Variants in CNTN4 observed in about 807,000 individuals in gnomAD.
The protein encoded by CNTN4 is contactin 4.
Under a neutral mutation model 122.5 loss-of-function variants are expected in CNTN4, and 77 were observed. The ratio of observed to expected loss-of-function variants is 0.63; its 90% CI spans 0.52 to 0.76. The LOEUF (loss-of-function observed/expected upper bound fraction) is 0.76. Ranked by LOEUF, CNTN4 falls within the 30% of genes least tolerant of loss-of-function variation. CNTN4 has a pLI of 0.00. For synonymous variants in CNTN4, 512 were observed against 447.0 expected (o/e 1.15, Z -1.83); for missense variants, 1,256 against 1,259.1 (o/e 1.00, Z 0.04).
intron 3 of CNTN4, among the ~76,000 whole-genome samples, chr3:2,346,291 C>T (rs1253632806): frequency 3.3e-5 from 5 of 152,010 alleles, no homozygotes; most frequent in Non-Finnish European, 5.9e-5. Context: ...CAAATAAAAC[C>T]TAAAATTCTT....
At chr3:2,119,295 G>T (rs2033567026) in intron 2 of CNTN4, among the ~76,000 whole-genome samples, 1 of 152,084 alleles carries the variant, frequency 6.6e-6, no homozygotes, top group South Asian at 2.1e-4. Flanking sequence ...CTTTCTTTCT[G>T]TCTCTCTCTC....
intron 3 of CNTN4, among the ~76,000 whole-genome samples, chr3:2,396,682 C>G (rs1001936921): frequency 2.7e-4 from 40 of 150,862 alleles, no homozygotes; most frequent in African/African-American, 9.7e-4. Flanking sequence ...TTAACCTCTC[C>G]TAGAACTCTT....
At chr3:2,100,100 G>C (rs975355692) in intron 1 of CNTN4, among the ~76,000 whole-genome samples, 8 of 152,094 alleles carry the variant, frequency 5.3e-5, no homozygotes, top group African/African-American at 1.9e-4. Context: ...TGTGTAGGGC[G>C]AGTCAGTGTG....
chr3:2,670,693 G>A (rs1444191348), intron 4 of CNTN4, among the ~76,000 whole-genome samples: 2 of 152,086 alleles, frequency 1.3e-5, no homozygotes, highest in African/African-American at 4.8e-5. Flanking sequence ...TAGCCTCGAT[G>A]GTCTTTACAA....
chr3:2,335,591 T>G (rs1243408950), intron 2 of CNTN4, among the ~76,000 whole-genome samples: 2 of 151,678 alleles, frequency 1.3e-5, no homozygotes, highest in Admixed American at 1.3e-4. Flanking sequence ...TGGGTTTTTT[T>G]TTTTTTTTTT....
chr3:2,202,676 G>C (rs2038153328), intron 2 of CNTN4, among the ~76,000 whole-genome samples: 1 of 152,052 alleles, frequency 6.6e-6, no homozygotes, highest in Non-Finnish European at 1.5e-5. Flanking sequence ...TTTCAGAGAA[G>C]CTTAGTAATT....
At chr3:2,493,434 C>T (rs2076370418) in intron 3 of CNTN4, among the ~76,000 whole-genome samples, 1 of 151,104 alleles carries the variant, frequency 6.6e-6, no homozygotes, top group Non-Finnish European at 1.5e-5. Flanking sequence ...GTCTTGGAAG[C>T]ATTCGCATTT....
chr3:2,787,765 G>T (rs181907567), intron 6 of CNTN4, among the ~76,000 whole-genome samples: 1 of 150,626 alleles, frequency 6.6e-6, no homozygotes, highest in East Asian at 2.0e-4. Flanking sequence ...TTATCACACA[G>T]TCCTGCCATA....
chr3:2,198,148 A>G (rs943650552), intron 2 of CNTN4, among the ~76,000 whole-genome samples: 12 of 152,198 alleles, frequency 7.9e-5, no homozygotes, highest in African/African-American at 1.2e-4. Flanking sequence ...ATATTGAACC[A>G]TAAATCTGTA....
At chr3:2,125,719 G>A (rs12639051) in intron 2 of CNTN4, among the ~76,000 whole-genome samples, 5,463 of 151,636 alleles carry the variant, frequency 0.036, 289 homozygotes, top group East Asian at 0.24. Context: ...CACCATGCCC[G>A]GCAAATTTTC....
intron 13 of CNTN4, among the ~76,000 whole-genome samples, chr3:2,929,652 CT>C (rs1268277537): frequency 6.6e-6 from 1 of 152,150 alleles, no homozygotes; most frequent in Non-Finnish European, 1.5e-5. Context: ...GCACCTTTGG[CT>C]GTTTTGGCTT....
rs768016518 is a variant in CNTN4 at position 2,779,244 on chromosome 3, GTTTT to G, written c.358+33548_358+33551del. Among the ~76,000 whole-genome samples the G allele has an allele frequency of 6.2e-4, 80 of 129,216 alleles. 2 individuals carry two copies. The highest frequency in any genetic ancestry group is 2.7e-3 in the African/African-American group (78 of 28,656). The allele number at this position is 129,216 out of a possible 152,430, so 84.8% of individuals were successfully genotyped here. A position where few individuals can be genotyped will look rare whatever the true frequency, so the allele number is the denominator to read the frequency against. ...TCCTTTTCAGGTTGTGGTGTTGTTT[GTTTT>G]GTTTGTTTGTTTGTTTGTTTGTTTT... On this transcript the variant is annotated intron_variant, in intron 6 of 24. Transcript: ENST00000418658.
intron 4 of CNTN4, among the ~76,000 whole-genome samples, chr3:2,595,764 A>G (rs1313944540): frequency 6.6e-6 from 1 of 152,228 alleles, no homozygotes; most frequent in Non-Finnish European, 1.5e-5. Flanking sequence ...GTGAGTATCC[A>G]GCGTTATTTT....
rs549907055 is a variant in CNTN4, at chr3:2,424,717, T to G, written c.-89+85484T>G. The stretch of plus-strand genomic sequence containing the variant: ...AGTGTTCCTATTTCTCCACATCCTC[T>G]CCAGTACCTGTTGTTTCCTGACTCT... On this transcript the variant is annotated intron_variant, in intron 3 of 24. Transcript: ENST00000418658. 4.6e-5 allele frequency among the ~76,000 whole-genome samples: 7 copies of G among 152,320 alleles called. No individual in the cohort carries two copies. In the South Asian group the frequency reaches 1.5e-3, roughly 32 times the overall value.
intron 2 of CNTN4, among the ~76,000 whole-genome samples, chr3:2,287,667 GAAGAAGAAGAAGAAGAAGAA>G (rs1559415438): frequency 5.6e-4 from 30 of 53,350 alleles, no homozygotes; most frequent in Non-Finnish European, 7.5e-4. Flanking sequence ...AGAAGAAGAA[GAAGAAGAAGAAGAAGAAGAA>G]GAAGAGGAAG....
chr3:2,300,883 T>A (rs2042490560), intron 2 of CNTN4, among the ~76,000 whole-genome samples: 1 of 152,064 alleles, frequency 6.6e-6, no homozygotes, highest in South Asian at 2.1e-4. Flanking sequence ...CTTCTTTATT[T>A]TTAATAAAAT....
At chr3:2,494,856 A>C (rs2076412698) in intron 3 of CNTN4, among the ~76,000 whole-genome samples, 1 of 152,184 alleles carries the variant, frequency 6.6e-6, no homozygotes, top group Non-Finnish European at 1.5e-5. Context: ...CAAAGGGAGG[A>C]GAGTAAAAAA....
At position 2,430,747 on chromosome 3, in the gene CNTN4, G is replaced by T. The variant is rs188996497; in HGVS notation, c.-89+91514G>T. On this transcript the variant is annotated intron_variant, in intron 3 of 24. Transcript: ENST00000418658. Reference sequence around the variant, plus strand: ...CTAATCAGTTTTTGGAAAAGGCTAAGTATACCTATATTATTCTACATGTGT... The same window carrying T: ...CTAATCAGTTTTTGGAAAAGGCTAATTATACCTATATTATTCTACATGTGT... Among the ~76,000 whole-genome samples the T allele has an allele frequency of 2.9e-3, 444 of 152,150 alleles. 1 individual carries two copies. Among genetic ancestry groups the T allele is most frequent in the Non-Finnish European group, 5.0e-3 (340 of 67,992 alleles).
At chr3:2,217,646 A>G (rs1218956204) in intron 2 of CNTN4, among the ~76,000 whole-genome samples, 2 of 151,622 alleles carry the variant, frequency 1.3e-5, no homozygotes, top group Non-Finnish European at 2.9e-5. Context: ...TATCCAGAGA[A>G]TATCGCAAAA....
Sources: gnomAD v4.1 joint callset for allele counts (sites outside exome capture counted in the v4.1 genomes callset) on GRCh38, gnomAD v4.1.1 for gene constraint, MANE v1.5 for transcripts, NCBI Gene and HGNC (gene_info 2026-07-23, HGNC 2026-07-21) for gene names.